ZNF516: variants seen among roughly 807,000 people sequenced by gnomAD.
ZNF516 encodes zinc finger protein 516.
In ZNF516, 19 loss-of-function variants were observed where a neutral mutation model predicts 79.7. The observed-to-expected ratio is 0.24, with a 90% CI of 0.17 to 0.35. The LOEUF is 0.35. ZNF516 is among the 10% of genes least tolerant of loss of function. The pLI, the probability that ZNF516 is intolerant of heterozygous loss-of-function variation, is 1.00. For synonymous variants in ZNF516, 877 were observed against 739.5 expected, an observed-to-expected ratio of 1.19 and a Z score of -3.02; for missense variants, 1,678 against 1,679.5, an observed-to-expected ratio of 1.00 and a Z score of 0.02.
At chr18:76,363,192 T>C (rs2074563636) in intron 6 of ZNF516, among the ~76,000 whole-genome samples, 1 of 152,208 alleles carries the variant, frequency 6.6e-6, no homozygotes, top group Non-Finnish European at 1.5e-5. Context: ...ATTTGAAGCA[T>C]CCCTGTTTGA....
chr18:76,489,450 C>T (rs949694868), intron 1 of ZNF516, among the ~76,000 whole-genome samples: 4 of 152,118 alleles, frequency 2.6e-5, no homozygotes, highest in African/African-American at 9.7e-5. Context: ...TATCTCCTTG[C>T]AGGGGGAAGT....
chr18:76,420,758 CAG>C (rs1274424262), intron 3 of ZNF516, among the ~76,000 whole-genome samples: 3 of 151,918 alleles, frequency 2.0e-5, no homozygotes, highest in Non-Finnish European at 2.9e-5. Flanking sequence ...AAAAAACAAA[CAG>C]TATTTATAAA....
intron 3 of ZNF516, among the ~76,000 whole-genome samples, chr18:76,380,743 T>G (rs2074878000): frequency 1.3e-5 from 2 of 152,160 alleles, no homozygotes; most frequent in Non-Finnish European, 2.9e-5. Flanking sequence ...ACCAGAGAAG[T>G]TGGGTGGAGC....
chr18:76,407,799 A>G (rs1360692766), intron 3 of ZNF516, among the ~76,000 whole-genome samples: 1 of 152,158 alleles, frequency 6.6e-6, no homozygotes, highest in Non-Finnish European at 1.5e-5. Context: ...CATGGGGCCC[A>G]TGGGCTCAGA....
chr18:76,458,796 G>GTGCCTCACCGTCA (rs1568310784), intron 2 of ZNF516, among the ~76,000 whole-genome samples: 6 of 149,404 alleles, frequency 4.0e-5, no homozygotes, highest in South Asian at 2.1e-4. Context: ...ACCGTCGTGC[G>GTGCCTCACCGTCA]TGTGCGTGCC....
chr18:76,438,600 T>C (rs916514273), intron 3 of ZNF516, among the ~76,000 whole-genome samples: 4 of 152,190 alleles, frequency 2.6e-5, no homozygotes, highest in African/African-American at 9.7e-5. Context: ...GACCAAGTCT[T>C]ATGTGGGGAT....
chr18:76,492,727 C>T, intron 1 of ZNF516: 3 of 985,544 alleles, frequency 3.0e-6, no homozygotes, highest in Non-Finnish European at 3.6e-6. Flanking sequence ...GAAACAATCA[C>T]AGCCCTCCTC....
At chr18:76,423,148 C>A (rs8083783) in intron 3 of ZNF516, among the ~76,000 whole-genome samples, 1 of 152,200 alleles carries the variant, frequency 6.6e-6, no homozygotes, top group African/African-American at 2.4e-5. Context: ...GTCCACAACA[C>A]AATTTACACG....
chr18:76,484,523 G>C (rs961456493), intron 1 of ZNF516, among the ~76,000 whole-genome samples: 1 of 152,168 alleles, frequency 6.6e-6, no homozygotes, highest in Non-Finnish European at 1.5e-5. Context: ...CCAAGAAGGT[G>C]CAGTTTCATC....
rs542123145 is a variant in ZNF516 at position 76,467,533 on chromosome 18, G to A, written c.-271-4392C>T. ...CATCCACAGGTGCTGGGCTTTCCTG[G>A]AGGCTGCAAGTAAGTGCTCAGTCAA... On this transcript the variant is annotated intron_variant, in intron 1 of 6. Transcript: ENST00000443185. The surrounding 1 kb of genome is among the most constrained non-coding windows in gnomAD (Gnocchi z 4.2). Among the ~76,000 whole-genome samples, 6 of 152,256 alleles carry A rather than the reference G, an allele frequency of 3.9e-5. No homozygotes were observed. In the East Asian group the frequency reaches 9.7e-4, roughly 25 times the overall value.
intron 3 of ZNF516, among the ~76,000 whole-genome samples, chr18:76,397,333 G>C (rs1443137788): frequency 6.6e-6 from 1 of 151,626 alleles, no homozygotes; most frequent in Non-Finnish European, 1.5e-5. Context: ...CTTCAAGAAT[G>C]ATTCTTATCA....
intron 3 of ZNF516, among the ~76,000 whole-genome samples, chr18:76,406,291 C>T (rs578118614): frequency 2.0e-5 from 3 of 152,174 alleles, no homozygotes; most frequent in African/African-American, 7.2e-5. Flanking sequence ...CAAGGCCGGG[C>T]GCGGTGGCTC....
At chr18:76,422,228 A>T (rs1346453893) in intron 3 of ZNF516, among the ~76,000 whole-genome samples, 1 of 152,076 alleles carries the variant, frequency 6.6e-6, no homozygotes, top group Non-Finnish European at 1.5e-5. Context: ...AAGGGCCCTG[A>T]CCCAGCAAAC....
intron 1 of ZNF516, among the ~76,000 whole-genome samples, chr18:76,476,550 A>T (rs906899643): frequency 1.3e-5 from 2 of 152,216 alleles, no homozygotes; most frequent in Non-Finnish European, 2.9e-5. Flanking sequence ...CTCTCATTTA[A>T]AAGTAGGACA....
rs184852817 is a variant in ZNF516, at chr18:76,480,561, C to T, written c.-272+14583G>A. ...TTTTTGAGACGGAGTCTTGCTCTGT[C>T]GCCCAGACTGGAGTGCAGTGGTGTG... On this transcript the variant is annotated intron_variant, in intron 1 of 6. Transcript: ENST00000443185. 1.7e-3 allele frequency among the ~76,000 whole-genome samples: 255 copies of T among 149,636 alleles called. 1 individual carries two copies. Among genetic ancestry groups the T allele is most frequent in the African/African-American group, 6.1e-3 (247 of 40,600 alleles).
intron 3 of ZNF516, among the ~76,000 whole-genome samples, chr18:76,412,314 C>T (rs1166878749): frequency 7.2e-5 from 11 of 152,236 alleles, no homozygotes; most frequent in East Asian, 5.8e-4. Flanking sequence ...GGGACGTACA[C>T]GGCACCCAAA....
At chr18:76,473,728 G>A (rs1419411087) in intron 1 of ZNF516, among the ~76,000 whole-genome samples, 2 of 151,770 alleles carry the variant, frequency 1.3e-5, no homozygotes, top group Non-Finnish European at 2.9e-5. Flanking sequence ...GTGAACCCAG[G>A]AGGCGGAGCT....
chr18:76,445,816 C>T (rs1265270323), intron 2 of ZNF516, among the ~76,000 whole-genome samples: 2 of 152,220 alleles, frequency 1.3e-5, no homozygotes, highest in African/African-American at 4.8e-5. Flanking sequence ...AGACAGCCCT[C>T]GAGTGCAGCA....
intron 1 of ZNF516, among the ~76,000 whole-genome samples, chr18:76,473,503 A>T (rs1039279405): frequency 2.0e-5 from 3 of 152,170 alleles, no homozygotes; most frequent in Non-Finnish European, 4.4e-5. Context: ...AAAAAAGGCA[A>T]TTAAACAAAA....
Sources: allele counts gnomAD v4.1 joint callset (sites outside exome capture counted in the v4.1 genomes callset), GRCh38; gene constraint gnomAD v4.1.1; non-coding constraint Gnocchi (gnomAD v3.1); transcripts MANE v1.5; gene names NCBI Gene and HGNC (gene_info 2026-07-23, HGNC 2026-07-21).